CDK14: variants seen among roughly 807,000 people sequenced by gnomAD.
CDK14 encodes the protein cyclin-dependent kinase 14.
A neutral mutation model predicts 60.7 loss-of-function variants in CDK14; 34 were observed. That is an observed-to-expected ratio of 0.56 (90% confidence interval 0.43 to 0.75). The LOEUF (loss-of-function observed/expected upper bound fraction) is 0.75, where lower values mean the gene tolerates loss of function less well. Among genes scored for constraint, CDK14 ranks in the 30% least tolerant of loss-of-function variants. The pLI is 0.00. For synonymous variants in CDK14, 197 were observed against 203.7 expected, an observed-to-expected ratio of 0.97 and a Z score of 0.28; for missense variants, 482 against 564.1, an observed-to-expected ratio of 0.85 and a Z score of 1.47.
intron 14 of CDK14, among the ~76,000 whole-genome samples, chr7:91,178,599 TCAAA>T (rs1801866497): frequency 6.6e-6 from 1 of 151,594 alleles, no homozygotes; most frequent in African/African-American, 2.4e-5. Flanking sequence ...TACAACAAAC[TCAAA>T]CAAATTTACA....
intron 2 of CDK14, among the ~76,000 whole-genome samples, chr7:90,648,082 A>G (rs960653690): frequency 1.3e-5 from 2 of 152,048 alleles, no homozygotes; most frequent in Admixed American, 6.6e-5. Context: ...AACAATAAAC[A>G]TCTGTTCTCT....
At chr7:90,863,334 C>T in intron 6 of CDK14, 65 bp downstream of exon 6, 1 of 945,858 alleles carries the variant, frequency 1.1e-6, no homozygotes, top group Non-Finnish European at 1.6e-6. Flanking sequence ...ATAGTGTTGT[C>T]ATAGAATTTC....
At chr7:91,124,432 TG>T (rs2116401482) in intron 14 of CDK14, among the ~76,000 whole-genome samples, 1 of 152,288 alleles carries the variant, frequency 6.6e-6, no homozygotes, top group Non-Finnish European at 1.5e-5. Context: ...AATATTTAAC[TG>T]TGTTTTTCTT....
intron 11 of CDK14, among the ~76,000 whole-genome samples, chr7:91,058,895 G>A (rs911933262): frequency 2.6e-5 from 4 of 152,154 alleles, no homozygotes; most frequent in African/African-American, 9.7e-5. Flanking sequence ...CCCGGCTTTG[G>A]TATCAGGATG....
chr7:90,790,015 T>A (rs189642510), intron 4 of CDK14, among the ~76,000 whole-genome samples: 1 of 151,736 alleles, frequency 6.6e-6, no homozygotes, highest in African/African-American at 2.4e-5. Flanking sequence ...GATGACATAC[T>A]GTAATATAAA....
chr7:90,651,089 G>A (rs1190793444), intron 2 of CDK14, among the ~76,000 whole-genome samples: 3 of 152,192 alleles, frequency 2.0e-5, no homozygotes, highest in Non-Finnish European at 2.9e-5. Flanking sequence ...CTATCCATGA[G>A]CATGGAATGT....
At chr7:90,685,708 T>G (rs1801419491) in intron 2 of CDK14, among the ~76,000 whole-genome samples, 1 of 149,198 alleles carries the variant, frequency 6.7e-6, no homozygotes, top group African/African-American at 2.5e-5. Context: ...TTGCCCAGTC[T>G]GCCCTTGAAC....
intron 12 of CDK14, among the ~76,000 whole-genome samples, chr7:91,099,103 C>G (rs779680553): frequency 6.6e-6 from 1 of 152,084 alleles, no homozygotes; most frequent in Non-Finnish European, 1.5e-5. Flanking sequence ...GTTCCAAAAC[C>G]TTCCTCTGAT....
intron 10 of CDK14, among the ~76,000 whole-genome samples, chr7:91,009,676 T>C (rs1796093901): frequency 6.6e-6 from 1 of 152,206 alleles, no homozygotes. Context: ...TGTTCCTTTT[T>C]TATTGGATTA....
chr7:90,772,668 G>A (rs1804835017), intron 4 of CDK14, among the ~76,000 whole-genome samples: 1 of 152,120 alleles, frequency 6.6e-6, no homozygotes, highest in African/African-American at 2.4e-5. Context: ...AGTTTCTTGA[G>A]GCCTCCCCAA....
rs1420072829 is a variant in CDK14, at chr7:91,209,757, T to A, written c.*2621T>A. On this transcript the variant is annotated 3_prime_UTR_variant, in exon 15 of 15. Coordinates refer to ENST00000380050, the MANE Select transcript of CDK14 (RefSeq NM_001287135.2). ...TAACAGTTTTGTTGACTTAAAAATA[T>A]GAGATACATAGGATGTGAAAAAAAA... is the stretch of plus-strand genomic sequence containing the variant. 6.6e-6 allele frequency: 1 copy of A among 152,502 alleles called. No individual in the cohort carries two copies. Among genetic ancestry groups the A allele is most frequent in the African/African-American group, 2.4e-5 (1 of 41,422 alleles). 9.4% of individuals were successfully genotyped at this position (152,502 alleles called of 1,614,324 possible).
At chr7:90,715,202 G>A (rs1042587240) in intron 2 of CDK14, among the ~76,000 whole-genome samples, 1 of 152,072 alleles carries the variant, frequency 6.6e-6, no homozygotes, top group Admixed American at 6.6e-5. Flanking sequence ...GAAGCCAGGG[G>A]TGGTTTAGTG....
rs377119789 is a variant in CDK14, at chr7:90,813,616, G to T, written c.544+22964G>T. Among the ~76,000 whole-genome samples the T allele has an allele frequency of 3.9e-4, 59 of 152,240 alleles. No homozygotes were observed. The East Asian group carries it at 9.1e-3, about 23-fold the overall frequency. Reference sequence around the variant, plus strand: ...TATTGTAAATTAGCTGGGCACGGTGGCATGTGCCTGTAATCCCAGCTACTT... The same window carrying T: ...TATTGTAAATTAGCTGGGCACGGTGTCATGTGCCTGTAATCCCAGCTACTT... On this transcript the variant is annotated intron_variant, in intron 5 of 14. Transcript: ENST00000380050.
chr7:91,146,205 T>C (rs1001158212), intron 14 of CDK14, among the ~76,000 whole-genome samples: 1 of 152,024 alleles, frequency 6.6e-6, no homozygotes, highest in Non-Finnish European at 1.5e-5. Context: ...GATTGATGGA[T>C]TGATTGATTG....
intron 9 of CDK14, among the ~76,000 whole-genome samples, chr7:90,975,458 AC>A (rs1795040949): frequency 1.3e-5 from 2 of 151,780 alleles, no homozygotes; most frequent in Admixed American, 1.3e-4. Context: ...TCATATAAAA[AC>A]ATTTATCATT....
intron 2 of CDK14, among the ~76,000 whole-genome samples, chr7:90,664,212 A>C (rs937681364): frequency 6.6e-6 from 1 of 152,280 alleles, no homozygotes; most frequent in Non-Finnish European, 1.5e-5. Context: ...TGACCATCAG[A>C]GAAATGCAAA....
intron 14 of CDK14, among the ~76,000 whole-genome samples, chr7:91,188,635 T>C (rs1231454972): frequency 1.3e-5 from 2 of 152,218 alleles, no homozygotes; most frequent in Non-Finnish European, 2.9e-5. Context: ...TCAGAATCTC[T>C]AAAGTTTTAA....
intron 10 of CDK14, among the ~76,000 whole-genome samples, chr7:91,031,035 T>A (rs1796745396): frequency 6.6e-6 from 1 of 152,230 alleles, no homozygotes; most frequent in South Asian, 2.1e-4. Flanking sequence ...TTTGGCTCTG[T>A]CGTCCTTTTT....
chr7:90,602,891 A>G (rs572604666), intron 1 of CDK14, among the ~76,000 whole-genome samples: 8 of 152,352 alleles, frequency 5.3e-5, no homozygotes, highest in African/African-American at 1.9e-4. Context: ...CCGCAATCAC[A>G]TTCTTCTTGA....
Sources: gnomAD v4.1 joint callset for allele counts (sites outside exome capture counted in the v4.1 genomes callset) on GRCh38, gnomAD v4.1.1 for gene constraint, MANE v1.5 for transcripts, NCBI Gene and HGNC (gene_info 2026-07-23, HGNC 2026-07-21) for gene names.